Variants in CYREN observed in about 807,000 individuals in gnomAD.
CYREN encodes cell cycle regulator of non-homologous end joining.
Under a neutral mutation model 9.7 loss-of-function variants are expected in CYREN, and 7 were observed. The ratio of observed to expected loss-of-function variants is 0.72; its 90% CI spans 0.41 to 1.36. The LOEUF is 1.36. Ranked by LOEUF, CYREN falls within the 40% of genes most tolerant of loss-of-function variation. The probability of loss-of-function intolerance (pLI) is 0.01; values close to 1 mark genes in which losing one functional copy is unlikely to be tolerated. For synonymous variants in CYREN, 76 were observed against 77.9 expected (o/e 0.98, Z 0.13); for missense variants, 215 against 198.1 (o/e 1.09, Z -0.51).
At chr7:135,127,894 T>C (rs867417146) in intron 2 of CYREN, among the ~76,000 whole-genome samples, 43 of 152,306 alleles carry the variant, frequency 2.8e-4, no homozygotes, top group Middle Eastern at 3.4e-3. Flanking sequence ...ATTGCAGCAC[T>C]GTTTACAATA....
At chr7:135,094,699 C>A (rs771125190) in intron 2 of CYREN, 2 of 356,742 alleles carry the variant, frequency 5.6e-6, no homozygotes, top group Non-Finnish European at 1.1e-5. Context: ...AGGTTAGAGA[C>A]AAATGAAGCA....
chr7:135,124,408 G>A (rs1484069046), intron 2 of CYREN, among the ~76,000 whole-genome samples: 2 of 152,180 alleles, frequency 1.3e-5, no homozygotes, highest in Non-Finnish European at 2.9e-5. Flanking sequence ...CAAGTTCTTA[G>A]AGACCCAAAA....
intron 2 of CYREN, among the ~76,000 whole-genome samples, chr7:135,109,721 G>A (rs1825332634): frequency 6.6e-6 from 1 of 152,212 alleles, no homozygotes; most frequent in Non-Finnish European, 1.5e-5. Context: ...AGAGAAATGG[G>A]ATCCAGTGCC....
At chr7:135,118,557 A>G (rs1361090020) in intron 2 of CYREN, among the ~76,000 whole-genome samples, 1 of 152,196 alleles carries the variant, frequency 6.6e-6, no homozygotes, top group Non-Finnish European at 1.5e-5. Flanking sequence ...AAGCCAAAAC[A>G]GAGGGTTTAC....
intron 2 of CYREN, among the ~76,000 whole-genome samples, chr7:135,143,705 T>G (rs543001659): frequency 1.6e-4 from 25 of 152,192 alleles, no homozygotes; most frequent in Non-Finnish European, 2.9e-4. Flanking sequence ...CTGAGAAGCT[T>G]CTCACCCACT....
chr7:135,138,770 G>A (rs1423179978), intron 2 of CYREN, among the ~76,000 whole-genome samples: 2 of 151,880 alleles, frequency 1.3e-5, no homozygotes, highest in Admixed American at 1.3e-4. Context: ...GTAGGCCCTA[G>A]TGTCTATTGT....
chr7:135,137,699 A>C (rs1482235021), intron 2 of CYREN, among the ~76,000 whole-genome samples: 1 of 152,116 alleles, frequency 6.6e-6, no homozygotes, highest in Admixed American at 6.6e-5. Flanking sequence ...TAAAGGGTTT[A>C]AAGAACCACT....
chr7:135,123,464 A>G (rs1827426034), intron 2 of CYREN, among the ~76,000 whole-genome samples: 1 of 152,234 alleles, frequency 6.6e-6, no homozygotes, highest in African/African-American at 2.4e-5. Context: ...GTTGGAAAAC[A>G]CGCTTTATGA....
At chr7:135,113,715 A>G (rs540983905) in intron 2 of CYREN, among the ~76,000 whole-genome samples, 62 of 152,334 alleles carry the variant, frequency 4.1e-4, no homozygotes, top group African/African-American at 1.3e-3. Flanking sequence ...TAAGTGTACA[A>G]TTCAGTAGTG....
At chr7:135,150,559 G>A (rs1204764573) in intron 2 of CYREN, among the ~76,000 whole-genome samples, 1 of 152,134 alleles carries the variant, frequency 6.6e-6, no homozygotes, top group African/African-American at 2.4e-5. Flanking sequence ...GAAGTGGGTG[G>A]CAAATTGCCT....
chr7:135,171,784 C>T (rs1830668296), upstream of CYREN, among the ~76,000 whole-genome samples: 1 of 127,272 alleles, frequency 7.9e-6, no homozygotes, highest in African/African-American at 2.8e-5. Context: ...CTGACAAGCC[C>T]TGTGGAGCGT....
intron 2 of CYREN, among the ~76,000 whole-genome samples, chr7:135,124,229 A>AC (rs1827543749): frequency 6.6e-6 from 1 of 151,954 alleles, no homozygotes. Flanking sequence ...GCAAAAAAAA[A>AC]AAAAGTAGGG....
chr7:135,122,646 G>A (rs879720641), intron 2 of CYREN, among the ~76,000 whole-genome samples: 5 of 152,126 alleles, frequency 3.3e-5, no homozygotes, highest in Non-Finnish European at 5.9e-5. Flanking sequence ...CATCAGGCTG[G>A]TACCCCTTGA....
At chr7:135,164,469 G>A (rs151072952), downstream of CYREN, 62 of 1,597,928 alleles carry the variant, frequency 3.9e-5, no homozygotes, top group African/African-American at 2.0e-4. Flanking sequence ...TCGGTGGCGC[G>A]ACCAGCTGCT....
intron 2 of CYREN, chr7:135,147,710 G>A (rs965082009): frequency 4.4e-6 from 2 of 452,308 alleles, no homozygotes; most frequent in Admixed American, 4.8e-5. Context: ...GAAATGAGTA[G>A]GAGGTGACCT....
At chr7:135,128,577 A>G in intron 2 of CYREN, 1 of 770,774 alleles carries the variant, frequency 1.3e-6, no homozygotes, top group South Asian at 1.3e-5. Flanking sequence ...TAGAATTTCA[A>G]GATGTTTGTG....
chr7:135,102,397 AAT>A (rs1281955815), intron 2 of CYREN, among the ~76,000 whole-genome samples: 3 of 152,196 alleles, frequency 2.0e-5, no homozygotes, highest in Non-Finnish European at 1.5e-5. Flanking sequence ...ATTCTTAAAA[AAT>A]GTTAATAATA....
exon 3 of CYREN, chr7:135,094,165 T>G: frequency 2.9e-6 from 1 of 343,952 alleles, no homozygotes; most frequent in South Asian, 2.3e-5. Flanking sequence ...GACTTACTAT[T>G]TAAACAGATA....
intron 2 of CYREN, among the ~76,000 whole-genome samples, chr7:135,096,494 A>G (rs1822741130): frequency 6.6e-6 from 1 of 151,712 alleles, no homozygotes; most frequent in African/African-American, 2.4e-5. Context: ...GAAGATACCC[A>G]AAATAGAACA....
Sources: gnomAD v4.1 joint callset for allele counts (sites outside exome capture counted in the v4.1 genomes callset) on GRCh38, gnomAD v4.1.1 for gene constraint, MANE v1.5 for transcripts, NCBI Gene and HGNC (gene_info 2026-07-23, HGNC 2026-07-21) for gene names.